NCK1: variants seen among roughly 807,000 people sequenced by gnomAD.
NCK1 encodes the protein SH2/SH3 adapter protein NCK1.
NCK1 carries 19 observed loss-of-function variants against 36.6 expected under a neutral mutation model. That is an observed-to-expected ratio of 0.52 (90% confidence interval 0.36 to 0.76). NCK1 has a LOEUF of 0.76. Among genes scored for constraint, NCK1 ranks in the 30% least tolerant of loss-of-function variants. The pLI, the probability that NCK1 is intolerant of heterozygous loss-of-function variation, is 0.00. For missense variants in NCK1, 358 were observed against 445.6 expected (o/e 0.80, Z 1.77); for synonymous variants, 165 against 156.0 (o/e 1.06, Z -0.43).
At chr3:136,864,484 T>TCTCA (rs200498095) in intron 1 of NCK1, among the ~76,000 whole-genome samples, 2 of 26,036 alleles carry the variant, frequency 7.7e-5, no homozygotes, top group East Asian at 4.8e-3. Flanking sequence ...CAAGATTCCG[T>TCTCA]CACACACACA....
At chr3:136,923,744 G>A (rs999444262) in intron 1 of NCK1, among the ~76,000 whole-genome samples, 2 of 152,048 alleles carry the variant, frequency 1.3e-5, no homozygotes, top group Non-Finnish European at 2.9e-5. Context: ...GTTCAAACAT[G>A]TTTGATATTT....
intron 1 of NCK1, among the ~76,000 whole-genome samples, chr3:136,871,603 C>A (rs1018342324): frequency 1.3e-5 from 2 of 152,290 alleles, no homozygotes; most frequent in South Asian, 4.1e-4. Flanking sequence ...AAGGTAATCA[C>A]TATTCTGTCC....
rs1940813524 is a variant in NCK1 at position 136,946,103 on chromosome 3, T to C, written c.747T>C (p.Val249=). The C allele has an allele frequency of 1.2e-6, 2 of 1,613,854 alleles. No homozygotes were observed. Among genetic ancestry groups the C allele is most frequent in the African/African-American group, 2.7e-5 (2 of 74,874 alleles). Residue 249 remains valine (V), a synonymous_variant, in exon 3 of 4, where the codon GTT becomes GTC. Coordinates refer to ENST00000481752, the MANE Select transcript of NCK1 (RefSeq NM_001291999.2). ...TAGTACCAAAAAACTATGTTACCGT[T>C]ATGCAGAATAATCCATTAACTTCAG... ...VGLVPKNYVT[V]MQNNPLTSGL... is the part of the protein sequence containing the mutation.
At chr3:136,906,493 C>T (rs1333899306) in intron 1 of NCK1, among the ~76,000 whole-genome samples, 1 of 152,114 alleles carries the variant, frequency 6.6e-6, no homozygotes, top group African/African-American at 2.4e-5. Flanking sequence ...TTGAAATTGC[C>T]TGTCCTTGGG....
chr3:136,903,773 CAG>C (rs36043323), intron 1 of NCK1, among the ~76,000 whole-genome samples: 102,844 of 151,756 alleles, frequency 0.68, 35,172 homozygotes, highest in East Asian at 0.87. Context: ...AGTTTACATT[CAG>C]AGTTATTGAT....
rs555939976 is a variant in NCK1, at chr3:136,906,763, T to G, written c.-18-21221T>G. 3.3e-5 allele frequency among the ~76,000 whole-genome samples: 5 copies of G among 152,214 alleles called. No homozygotes were observed. The South Asian group carries it at 1.0e-3, about 32-fold the overall frequency. On this transcript the variant is annotated intron_variant, in intron 1 of 3. Transcript: ENST00000481752. ...CAGGCCAATCCCCCAGGCTTGCAGG[T>G]GGCACGTGTGGTTAGTTGCCAGCTG...
chr3:136,941,242 C>T (rs1283104952), intron 2 of NCK1, among the ~76,000 whole-genome samples: 1 of 151,066 alleles, frequency 6.6e-6, no homozygotes, highest in Non-Finnish European at 1.5e-5. Context: ...ACTTATATGT[C>T]AGCCTCTCGA....
intron 1 of NCK1, among the ~76,000 whole-genome samples, chr3:136,873,026 A>C (rs1286934366): frequency 2.6e-5 from 4 of 152,226 alleles, no homozygotes; most frequent in Non-Finnish European, 4.4e-5. Flanking sequence ...GAGCCCCCAC[A>C]CAGAGTTCCT....
chr3:136,910,792 T>TA (rs1939812676), intron 1 of NCK1, among the ~76,000 whole-genome samples: 1 of 152,238 alleles, frequency 6.6e-6, no homozygotes, highest in East Asian at 1.9e-4. Context: ...ACGAGACATT[T>TA]AAAATGTACT....
chr3:136,906,038 G>A (rs539945079), intron 1 of NCK1, among the ~76,000 whole-genome samples: 3 of 152,184 alleles, frequency 2.0e-5, no homozygotes, highest in Non-Finnish European at 2.9e-5. Context: ...TGTGCCTCTG[G>A]TGTAACAGTT....
chr3:136,932,867 A>G (rs1940429751), intron 2 of NCK1, among the ~76,000 whole-genome samples: 1 of 152,236 alleles, frequency 6.6e-6, no homozygotes, highest in Non-Finnish European at 1.5e-5. Context: ...AGAAACAGAA[A>G]AACTTTCTTT....
intron 2 of NCK1, among the ~76,000 whole-genome samples, chr3:136,937,853 A>G (rs1005590675): frequency 4.0e-5 from 6 of 151,656 alleles, no homozygotes; most frequent in Admixed American, 3.9e-4. Context: ...ATTCTTTAGG[A>G]TTTTCTATTT....
chr3:136,899,281 G>T, intron 1 of NCK1: 1 of 251,346 alleles, frequency 4.0e-6, no homozygotes, highest in Non-Finnish European at 8.2e-6. Flanking sequence ...TCTGAAGAAA[G>T]ATAAATCTCT....
At chr3:136,899,171 C>T (rs965458309) in intron 1 of NCK1, 5 of 212,964 alleles carry the variant, frequency 2.3e-5, no homozygotes, top group Admixed American at 5.1e-5. Context: ...CCTGCCAGTG[C>T]GCTGCTGCTA....
chr3:136,902,550 G>A (rs550337365), intron 1 of NCK1, among the ~76,000 whole-genome samples: 83 of 152,202 alleles, frequency 5.5e-4, no homozygotes, highest in African/African-American at 1.8e-3. Flanking sequence ...TACTTGATAC[G>A]ATTTCAATTT....
chr3:136,884,545 A>T (rs1425250217), intron 1 of NCK1, among the ~76,000 whole-genome samples: 1 of 151,852 alleles, frequency 6.6e-6, no homozygotes, highest in Admixed American at 6.6e-5. Flanking sequence ...GGTTCAGGCG[A>T]TTCTTGTGCC....
In NCK1 at chr3:136,945,929, G is replaced by A. The variant is rs750622340; in HGVS notation, c.573G>A (p.Val191=). The A allele has an allele frequency of 1.2e-6, 2 of 1,614,068 alleles. No homozygotes were observed. The highest frequency in any genetic ancestry group is 2.2e-5 in the South Asian group (2 of 91,082). Reference sequence around the variant, plus strand: ...TCAATAACCTAAATACTGGGCAAGTGTTGCATGTGGTACAGGCTCTTTACC... The same window carrying A: ...TCAATAACCTAAATACTGGGCAAGTATTGCATGTGGTACAGGCTCTTTACC... The part of the protein sequence containing the change: ...AVVNNLNTGQ[V]LHVVQALYPF... The change falls in exon 3 of 4, where the codon GTG becomes GTA. Residue 191 remains valine, a synonymous_variant. Transcript: ENST00000481752.
At chr3:136,906,446 AGGCCAGCTCTCAG>A (rs1939688803) in intron 1 of NCK1, among the ~76,000 whole-genome samples, 1 of 152,098 alleles carries the variant, frequency 6.6e-6, no homozygotes, top group Non-Finnish European at 1.5e-5. Context: ...GTTGCCAAGT[AGGCCAGCTCTCAG>A]GCCCCAGTGG....
chr3:136,895,167 G>A (rs570121311), intron 1 of NCK1, among the ~76,000 whole-genome samples: 81 of 152,242 alleles, frequency 5.3e-4, no homozygotes, highest in South Asian at 1.2e-3. Context: ...GAGCCACTGC[G>A]CCCAGCAAGC....
Sources: gnomAD v4.1 joint callset for allele counts (sites outside exome capture counted in the v4.1 genomes callset) on GRCh38, gnomAD v4.1.1 for gene constraint, MANE v1.5 for transcripts, NCBI Gene and HGNC (gene_info 2026-07-23, HGNC 2026-07-21) for gene names.